Variants in SVOP observed in about 807,000 individuals in gnomAD.
SVOP encodes synaptic vesicle 2-related protein.
A neutral mutation model predicts 69.1 loss-of-function variants in SVOP; 17 were observed. The observed-to-expected ratio is 0.25, with a 90% CI of 0.17 to 0.37. The LOEUF (loss-of-function observed/expected upper bound fraction) is 0.37, where lower values mean the gene tolerates loss of function less well. SVOP is among the 10% of genes least tolerant of loss of function. The probability of loss-of-function intolerance (pLI) is 1.00; values close to 1 mark genes in which losing one functional copy is unlikely to be tolerated. For synonymous variants in SVOP, 238 were observed against 238.6 expected (o/e 1.00, Z 0.02); for missense variants, 435 against 597.5 (o/e 0.73, Z 2.84).
intron 8 of SVOP, among the ~76,000 whole-genome samples, chr12:108,940,191 C>G (rs1052223151): frequency 5.3e-5 from 8 of 152,140 alleles, no homozygotes; most frequent in African/African-American, 1.9e-4. Context: ...ATTATTAATA[C>G]TTATTATCAT....
chr12:108,996,908 G>A (rs1005356965), intron 1 of SVOP, among the ~76,000 whole-genome samples: 6 of 152,172 alleles, frequency 3.9e-5, no homozygotes, highest in Non-Finnish European at 2.9e-5. Flanking sequence ...CTCCAGCCTG[G>A]GTGACAGAAC....
At chr12:108,979,134 G>A (rs1264424692) in intron 2 of SVOP, among the ~76,000 whole-genome samples, 1 of 152,122 alleles carries the variant, frequency 6.6e-6, no homozygotes, top group Non-Finnish European at 1.5e-5. Flanking sequence ...TTGAATTATG[G>A]TTTAATTTGT....
chr12:108,941,058 T>C (rs1325363761), intron 7 of SVOP, 149 bp from the exon 8 acceptor site: 11 of 1,208,520 alleles, frequency 9.1e-6, no homozygotes, highest in Non-Finnish European at 1.2e-5. Flanking sequence ...CTGTGGTCTA[T>C]ATGGTTGGGC....
intron 9 of SVOP, among the ~76,000 whole-genome samples, chr12:108,937,724 G>A (rs1215191700): frequency 6.6e-6 from 1 of 152,196 alleles, no homozygotes; most frequent in African/African-American, 2.4e-5. Flanking sequence ...CTAGGTCTAG[G>A]TGGCAACAGT....
Position 108,983,750 on chromosome 12 carries a change from A to T in SVOP, c.47T>A (p.Phe16Tyr). ...FQLRQLPVVK[F>Y]RRTGESARSE... ...CCTTGCACTCTCGCCTGTGCGACGG[A>T]ATTTCACAACCCTAGAGAACAGAAC... The change falls in exon 2 of 16, where the codon TTC becomes TAC. Residue 16 changes from phenylalanine to tyrosine, a missense_variant. Transcript: ENST00000610966. The T allele has an allele frequency of 2.5e-6, 1 of 398,764 alleles. No homozygotes were observed. The highest frequency in any genetic ancestry group is 2.1e-5 in the African/African-American group (1 of 48,756). 24.7% of individuals were successfully genotyped at this position (398,764 alleles called of 1,614,324 possible).
intron 2 of SVOP, among the ~76,000 whole-genome samples, chr12:108,982,678 CACCAT>C (rs2040144202): frequency 1.7e-5 from 2 of 120,850 alleles, no homozygotes; most frequent in African/African-American, 7.0e-5. Context: ...TCATTATCAT[CACCAT>C]CATCATCATC....
At chr12:108,925,143 T>TTTTTTTTTTTTTTTTTTTTTTTTTTGA (rs2039772538) in intron 11 of SVOP, among the ~76,000 whole-genome samples, 1 of 152,224 alleles carries the variant, frequency 6.6e-6, no homozygotes, top group African/African-American at 2.4e-5. Flanking sequence ...CCTCTGATTT[T>TTTTTTTTTTTTTTTTTTTTTTTTTTGA]GCCTGTAACT....
At chr12:109,016,569 A>G (rs1424113801) in intron 1 of SVOP, among the ~76,000 whole-genome samples, 1 of 151,978 alleles carries the variant, frequency 6.6e-6, no homozygotes, top group Non-Finnish European at 1.5e-5. Flanking sequence ...TTTTTTCCCA[A>G]TTCAGGGCTT....
chr12:108,995,281 G>A (rs981093639), intron 1 of SVOP, among the ~76,000 whole-genome samples: 1 of 152,114 alleles, frequency 6.6e-6, no homozygotes, highest in Non-Finnish European at 1.5e-5. Context: ...TAAACAAAAT[G>A]TGAACAATAT....
chr12:108,940,974 G>A (rs978381788), intron 7 of SVOP, 65 bp from the exon 8 acceptor site: 15 of 1,503,740 alleles, frequency 1.0e-5, no homozygotes, highest in Non-Finnish European at 1.3e-5. Flanking sequence ...GAATTATGGG[G>A]GCATTGTGGA....
At chr12:108,924,253 G>T (rs1262163297) in intron 11 of SVOP, among the ~76,000 whole-genome samples, 8 of 152,224 alleles carry the variant, frequency 5.3e-5, no homozygotes, top group Non-Finnish European at 1.0e-4. Context: ...AGGACCGACA[G>T]AAATAAATTT....
intron 1 of SVOP, among the ~76,000 whole-genome samples, chr12:108,992,536 G>C (rs567162087): frequency 6.6e-6 from 1 of 152,278 alleles, no homozygotes; most frequent in Non-Finnish European, 1.5e-5. Context: ...AAGAGACACT[G>C]TCTCTGAAAA....
rs2039758032 is a variant in SVOP, at chr12:108,922,810, G to A, written c.1049-13C>T. The A allele has an allele frequency of 3.2e-6, 5 of 1,571,044 alleles. No homozygotes were observed. Among genetic ancestry groups the A allele is most frequent in the Non-Finnish European group, 4.3e-6 (5 of 1,151,412 alleles). ...TTCCGACTGGAGACTGGGGTTGGGA[G>A]AGAGAAAGAGAGGGGGAGACATATA... is the stretch of plus-strand genomic sequence containing the variant. On this transcript the variant is annotated splice_polypyrimidine_tract_variant and intron_variant, in intron 11 of 15. Transcript: ENST00000610966.
intron 15 of SVOP, among the ~76,000 whole-genome samples, chr12:108,913,862 G>T (rs1029305236): frequency 2.6e-5 from 4 of 152,074 alleles, no homozygotes; most frequent in African/African-American, 7.2e-5. Context: ...AATTGACCAG[G>T]CTGGACTTGA....
chr12:108,982,818 C>CCAT (rs1457103379), intron 2 of SVOP, among the ~76,000 whole-genome samples: 6 of 122,748 alleles, frequency 4.9e-5, no homozygotes, highest in African/African-American at 1.7e-4. Flanking sequence ...ATCATCATCA[C>CCAT]CATCATCATC....
rs1035747019 is a variant in SVOP at position 108,995,144 on chromosome 12, CA to C, written c.36-11384del. 3.6e-4 allele frequency among the ~76,000 whole-genome samples: 51 copies of C among 142,740 alleles called. 1 individual carries two copies. The highest frequency in any genetic ancestry group is 1.1e-3 in the African/African-American group (43 of 38,722). 93.6% of individuals were successfully genotyped at this position (142,740 alleles called of 152,430 possible). A position where few individuals can be genotyped will look rare whatever the true frequency, so the allele number is the denominator to read the frequency against. On this transcript the variant is annotated intron_variant, in intron 1 of 15. Coordinates refer to ENST00000610966, the MANE Select transcript of SVOP (RefSeq NM_018711.5). ...TGGGCAACAGAGCTAGAACCTGTCT[CA>C]AAAAAAAAATTAAAAATAAATAAAT...
intron 1 of SVOP, among the ~76,000 whole-genome samples, chr12:109,016,015 C>T (rs16939853): frequency 0.027 from 4,088 of 152,256 alleles, 174 homozygotes; most frequent in African/African-American, 0.094. Flanking sequence ...AATGTGGCTT[C>T]CAGGCGCTCC....
At chr12:108,994,430 G>T (rs993183292) in intron 1 of SVOP, among the ~76,000 whole-genome samples, 2 of 152,124 alleles carry the variant, frequency 1.3e-5, no homozygotes, top group Non-Finnish European at 2.9e-5. Context: ...GGAGGCAGAG[G>T]TTGCAGTGAG....
intron 3 of SVOP, among the ~76,000 whole-genome samples, chr12:108,978,233 T>A (rs1477922597): frequency 6.6e-6 from 1 of 152,084 alleles, no homozygotes; most frequent in Non-Finnish European, 1.5e-5. Context: ...ATCATGAGAG[T>A]CTTGAAGCAG....
Sources: allele counts gnomAD v4.1 joint callset (sites outside exome capture counted in the v4.1 genomes callset), GRCh38; gene constraint gnomAD v4.1.1; transcripts MANE v1.5; gene names NCBI Gene and HGNC (gene_info 2026-07-23, HGNC 2026-07-21).